ADCY6: variants seen among roughly 807,000 people sequenced by gnomAD.
ADCY6 encodes adenylate cyclase 6, also known as adenylate cyclase type 6.
In ADCY6, 59 loss-of-function variants were observed where a neutral mutation model predicts 111.6. The ratio of observed to expected loss-of-function variants is 0.53; its 90% CI spans 0.43 to 0.66. The LOEUF (loss-of-function observed/expected upper bound fraction) is 0.66. ADCY6 is among the 30% of genes least tolerant of loss of function. ADCY6 has a pLI of 0.00. For missense variants in ADCY6, 1,242 were observed against 1,595.6 expected, an observed-to-expected ratio of 0.78 and a Z score of 3.78; for synonymous variants, 576 against 642.9, an observed-to-expected ratio of 0.90 and a Z score of 1.57.
At position 48,772,065 on chromosome 12, in the gene ADCY6, C is replaced by T. The variant is rs1350672320; in HGVS notation, c.2788-92G>A. 3.3e-6 allele frequency: 5 copies of T among 1,499,286 alleles called. No homozygotes were observed. In the South Asian group the frequency reaches 4.1e-5, roughly 12 times the overall value. The allele number at this position is 1,499,286 out of a possible 1,614,324, so 92.9% of individuals were successfully genotyped here. A position where few individuals can be genotyped will look rare whatever the true frequency, so the allele number is the denominator to read the frequency against. ...TGGAAGTGCGGATAAGAGGGAATCA[C>T]ATAGAGAAAGAAAGGCCCAGACAGA... On this transcript the variant is annotated intron_variant, in intron 18 of 21. Transcript: ENST00000357869.
chr12:48,780,917 C>A (rs999039961), intron 2 of ADCY6, among the ~76,000 whole-genome samples: 3 of 152,214 alleles, frequency 2.0e-5, no homozygotes, highest in African/African-American at 7.2e-5. Context: ...TTCTGGCATT[C>A]TGGCCAGGTG....
chr12:48,770,412 G>C (rs150320311), intron 20 of ADCY6, among the ~76,000 whole-genome samples: 58 of 152,154 alleles, frequency 3.8e-4, no homozygotes, highest in Non-Finnish European at 5.6e-4. Flanking sequence ...ACCTCTTATT[G>C]GACTGGTCAC....
rs1941900590 is a variant in ADCY6, at chr12:48,783,229, G to C, written c.206C>G (p.Ala69Gly). The C allele has an allele frequency of 1.2e-6, 2 of 1,608,510 alleles. No homozygotes were observed. The highest frequency in any genetic ancestry group is 1.7e-6 in the Non-Finnish European group (2 of 1,179,536). ...GPPRCPWQDDAFIRRGGPGKG... is the reference protein window; with the variant it reads ...GPPRCPWQDDGFIRRGGPGKG... ...GCCTGGGCCGCCCCTCCGGATGAAG[G>C]CGTCATCCTGCCAGGGGCACCGAGG... Residue 69 changes from alanine to glycine, a missense_variant, in exon 2 of 22, where the codon GCC becomes GGC. Coordinates refer to ENST00000357869, the MANE Select transcript of ADCY6 (RefSeq NM_015270.5).
rs1941402718 is a variant in ADCY6, at chr12:48,767,321, G to C, written c.*1270C>G. ...GCCCCCGAACGGCACTTAGGGATTT[G>C]GCACAAAAAGGACTCCTCTCCCTCC... On this transcript the variant is annotated 3_prime_UTR_variant, in exon 22 of 22. Coordinates refer to ENST00000357869, the MANE Select transcript of ADCY6 (RefSeq NM_015270.5). The C allele has an allele frequency of 6.6e-6, 1 of 152,558 alleles. No individual in the cohort carries two copies. The highest frequency in any genetic ancestry group is 1.5e-5 in the Non-Finnish European group (1 of 68,076). 9.5% of individuals were successfully genotyped at this position (152,558 alleles called of 1,614,324 possible).
chr12:48,775,787 GGGTGTCCCC>G (rs1941682169), intron 9 of ADCY6, 89 bp from the exon 10 acceptor site: 2 of 1,540,222 alleles, frequency 1.3e-6, no homozygotes, highest in Admixed American at 3.7e-5. Context: ...ACTGTGCTGA[GGGTGTCCCC>G]GTCATATCCT....
rs756168565 is a variant in ADCY6, at chr12:48,776,365, G to A, written c.1536-15C>T. On this transcript the variant is annotated splice_polypyrimidine_tract_variant and intron_variant, in intron 7 of 21. Transcript: ENST00000357869. The surrounding 1 kb of genome is among the most constrained non-coding windows in gnomAD (Gnocchi z 6.1). ...TGTGGATGCGGCTGTATGTGGCCAA[G>A]AGGGTGAGACCCTGGCTCTCCCACC... is the stretch of plus-strand genomic sequence containing the variant. 12 of 1,614,170 alleles carry A rather than the reference G, an allele frequency of 7.4e-6. No homozygotes were observed. In the Admixed American group the frequency reaches 2.0e-4, roughly 27 times the overall value.
intron 1 of ADCY6, among the ~76,000 whole-genome samples, 158 bp downstream of exon 1, chr12:48,788,748 G>A (rs1321304867): frequency 6.6e-6 from 1 of 152,040 alleles, no homozygotes; most frequent in Non-Finnish European, 1.5e-5. Flanking sequence ...ACTTCCCTTT[G>A]CCAACCCCAA....
intron 1 of ADCY6, chr12:48,783,738 T>C (rs1170689192): frequency 3.3e-5 from 15 of 457,710 alleles, no homozygotes; most frequent in Non-Finnish European, 4.9e-5. Flanking sequence ...AGGCTAGGAA[T>C]GTGAGAGCAA....
At chr12:48,774,356 T>G in intron 14 of ADCY6, 46 bp downstream of exon 14, 1 of 1,542,786 alleles carries the variant, frequency 6.5e-7, no homozygotes, top group Non-Finnish European at 9.0e-7. Flanking sequence ...TCCAGGACAG[T>G]GCTTGGCACA....
Position 48,771,474 on chromosome 12 carries a change from C to T in ADCY6, c.3051+236G>A, listed in dbSNP as rs945284865. The stretch of plus-strand genomic sequence containing the variant: ...GTACCTATCCTATCCCCCTACAGAT[C>T]AAGTCCTCCCCTGCTCCCCAACAGT... On this transcript the variant is annotated intron_variant, in intron 19 of 21. Transcript: ENST00000357869. This position sits in a 1 kb window ranked among gnomAD's most constrained non-coding sequence, Gnocchi z 4.3. The T allele has an allele frequency of 1.5e-6, 1 of 650,736 alleles. No individual in the cohort carries two copies. The highest frequency in any genetic ancestry group is 2.3e-5 in the Admixed American group (1 of 44,062). The allele number at this position is 650,736 out of a possible 1,614,324, so 40.3% of individuals were successfully genotyped here. A position where few individuals can be genotyped will look rare whatever the true frequency, so the allele number is the denominator to read the frequency against.
rs1438771944 is a variant in ADCY6, at chr12:48,777,317, C to CT, written c.1249-87dup. Reference sequence around the variant, plus strand: ...TGGCCCACCACCCTCCACGCATACTCTATCTGCCCTCAAATCCCCAGCTGC... The same window carrying CT: ...TGGCCCACCACCCTCCACGCATACTCTTATCTGCCCTCAAATCCCCAGCTGC... On this transcript the variant is annotated intron_variant, in intron 5 of 21. Transcript: ENST00000357869. This position sits in a 1 kb window ranked among gnomAD's most constrained non-coding sequence, Gnocchi z 4.9. The CT allele has an allele frequency of 2.5e-6, 4 of 1,596,562 alleles. No individual in the cohort carries two copies. In the African/African-American group the frequency reaches 5.4e-5, roughly 21 times the overall value.
chr12:48,766,694 A>G lies in ADCY6; in HGVS notation c.*1897T>C, dbSNP rs1941388004. ...GGCATTACCCAGAAACCAGGCCTCC[A>G]CAGGGAGCTGGTGTCAGAAGGGGCA... On this transcript the variant is annotated 3_prime_UTR_variant, in exon 22 of 22. Coordinates refer to ENST00000357869, the MANE Select transcript of ADCY6 (RefSeq NM_015270.5). 1.3e-5 allele frequency: 2 copies of G among 152,652 alleles called. No homozygotes were observed. Among genetic ancestry groups the G allele is most frequent in the South Asian group, 4.1e-4 (2 of 4,838 alleles). The allele number at this position is 152,652 out of a possible 1,614,324, so 9.5% of individuals were successfully genotyped here. A position where few individuals can be genotyped will look rare whatever the true frequency, so the allele number is the denominator to read the frequency against.
intron 1 of ADCY6, among the ~76,000 whole-genome samples, chr12:48,787,041 T>C (rs1006951157): frequency 6.6e-6 from 1 of 152,220 alleles, no homozygotes; most frequent in African/African-American, 2.4e-5. Flanking sequence ...GATGGAAAGA[T>C]GAGGAAATCA....
chr12:48,766,839 G>A lies in ADCY6; in HGVS notation c.*1752C>T, dbSNP rs530394248. The A allele has an allele frequency of 2.0e-5, 3 of 152,424 alleles. No homozygotes were observed. The highest frequency in any genetic ancestry group is 4.1e-4 in the South Asian group (2 of 4,826). The allele number at this position is 152,424 out of a possible 1,614,324, so 9.4% of individuals were successfully genotyped here. A position where few individuals can be genotyped will look rare whatever the true frequency, so the allele number is the denominator to read the frequency against. ...AAAGTGATCTTCAAGCAAAATTCAG[G>A]CTAGTGCCTTTGGCTTAAATAGGTA... On this transcript the variant is annotated 3_prime_UTR_variant, in exon 22 of 22. Coordinates refer to ENST00000357869, the MANE Select transcript of ADCY6 (RefSeq NM_015270.5).
At chr12:48,770,084 T>G (rs531645606) in intron 20 of ADCY6, among the ~76,000 whole-genome samples, 3 of 148,728 alleles carry the variant, frequency 2.0e-5, no homozygotes, top group Admixed American at 1.3e-4. Flanking sequence ...TTTTTTTTTT[T>G]CAGTAGAAAA....
chr12:48,783,356 G>T lies in ADCY6; in HGVS notation c.79C>A (p.Arg27Ser), dbSNP rs755290608. 14 of 1,614,208 alleles carry T rather than the reference G, an allele frequency of 8.7e-6. No homozygotes were observed. Among genetic ancestry groups the T allele is most frequent in the Non-Finnish European group, 1.2e-5 (14 of 1,180,038 alleles). ...GCCCGAGTGCCACGGCGCCGCGAACGCTTCTGCCCATTGCGTTCACCCCAG... is the reference window on the plus strand; with the variant it reads ...GCCCGAGTGCCACGGCGCCGCGAACTCTTCTGCCCATTGCGTTCACCCCAG... The part of the protein sequence containing the change: ...TAWGERNGQK[R>S]SRRRGTRAGG... Residue 27 changes from arginine (R) to serine (S), a missense_variant, in exon 2 of 22, where the codon CGT becomes AGT. Physicochemically the swap from Arg to Ser is moderately radical, Grantham distance 110. This residue lies in a region of ADCY6 where 362 missense variants were observed against 377.2 expected (regional missense o/e 0.96). Transcript: ENST00000357869.
Position 48,775,443 on chromosome 12 carries a change from T to C in ADCY6, c.1840A>G (p.Thr614Ala), listed in dbSNP as rs200812555. The change falls in exon 11 of 22, where the codon ACC (threonine) becomes GCC (alanine). Residue 614 changes from threonine to alanine, a missense_variant. Physicochemically the swap from Thr to Ala is moderately conservative, Grantham distance 58. This residue lies in a region of ADCY6 where 375 missense variants were observed against 432.5 expected (regional missense o/e 0.87). Transcript: ENST00000357869. ...IDDSSKDNRG[T>A]QDALNPEDEV... The stretch of plus-strand genomic sequence containing the variant: ...TCCTCAGGGTTCAGGGCATCTTGGG[T>C]GCCCCGGCTGAGGGCAGGAGACATG... 5 of 1,613,930 alleles carry C rather than the reference T, an allele frequency of 3.1e-6. No homozygotes were observed. The highest frequency in any genetic ancestry group is 4.2e-6 in the Non-Finnish European group (5 of 1,179,978).
In ADCY6 at chr12:48,771,159, C is replaced by A. The variant is rs881738; in HGVS notation, c.3052-189G>T. 2.0e-3 allele frequency: 1,251 copies of A among 610,808 alleles called. 12 individuals carry two copies. The African/African-American group carries it at 0.021, about 10-fold the overall frequency. The allele number at this position is 610,808 out of a possible 1,614,324, so 37.8% of individuals were successfully genotyped here. ...AGGCAGCCTAGGACTCCAGGCAGGACTTGGGCATACAGCTTCAGAAGGTCC... is the reference window on the plus strand; with the variant it reads ...AGGCAGCCTAGGACTCCAGGCAGGAATTGGGCATACAGCTTCAGAAGGTCC... On this transcript the variant is annotated intron_variant, in intron 19 of 21. Transcript: ENST00000357869. This position sits in a 1 kb window ranked among gnomAD's most constrained non-coding sequence, Gnocchi z 4.3.
chr12:48,789,773 G>C (rs547890174), upstream of ADCY6: 1 of 151,866 alleles, frequency 6.6e-6, no homozygotes, highest in African/African-American at 2.4e-5. Flanking sequence ...GCGAACCTCG[G>C]GGCCCAGTGG....
Sources: gnomAD v4.1 joint callset for allele counts (sites outside exome capture counted in the v4.1 genomes callset) on GRCh38, gnomAD v4.1.1 for gene constraint, gnomAD v4.1.1 regional missense constraint, Gnocchi (gnomAD v3.1) non-coding constraint, MANE v1.5 for transcripts, NCBI Gene and HGNC (gene_info 2026-07-23, HGNC 2026-07-21) for gene names.